PLEKHG4B: variants seen among roughly 807,000 people sequenced by gnomAD.
The protein encoded by PLEKHG4B is pleckstrin homology and RhoGEF domain containing G4B.
Under a neutral mutation model 121.3 loss-of-function variants are expected in PLEKHG4B, and 111 were observed. The observed-to-expected ratio is 0.92, with a 90% CI of 0.78 to 1.07. The LOEUF is 1.07. PLEKHG4B is among the 50% of genes least tolerant of loss of function. The pLI, the probability that PLEKHG4B is intolerant of heterozygous loss-of-function variation, is 0.00. For synonymous variants in PLEKHG4B, 738 were observed against 725.0 expected, an observed-to-expected ratio of 1.02 and a Z score of -0.29; for missense variants, 1,831 against 1,757.8, an observed-to-expected ratio of 1.04 and a Z score of -0.74.
chr5:114,510 TAC>T (rs1029020427), intron 2 of PLEKHG4B, among the ~76,000 whole-genome samples: 5 of 152,116 alleles, frequency 3.3e-5, no homozygotes, highest in African/African-American at 9.7e-5. Flanking sequence ...CAGGCTGGAG[TAC>T]AGTGGTGCAA....
intron 18 of PLEKHG4B, among the ~76,000 whole-genome samples, chr5:180,690 C>G (rs1398986699): frequency 2.0e-5 from 3 of 152,198 alleles, no homozygotes; most frequent in Non-Finnish European, 4.4e-5. Flanking sequence ...AGGAAGCTGT[C>G]CCGCGTCCAC....
At chr5:164,465 G>C (rs561148844) in intron 13 of PLEKHG4B, among the ~76,000 whole-genome samples, 5,004 of 109,958 alleles carry the variant, frequency 0.046, 141 homozygotes, top group Non-Finnish European at 0.057. Flanking sequence ...TCACAGTAAT[G>C]TTGTGACGGA....
At chr5:148,338 G>A (rs1409639628) in intron 6 of PLEKHG4B, among the ~76,000 whole-genome samples, 2 of 129,002 alleles carry the variant, frequency 1.6e-5, no homozygotes, top group African/African-American at 3.5e-5. Flanking sequence ...AACCCTAACA[G>A]TTCCACAAAA....
chr5:162,959 C>T lies in PLEKHG4B; in HGVS notation c.2887C>T (p.Pro963Ser), dbSNP rs1157781703. 1.9e-6 allele frequency: 3 copies of T among 1,561,110 alleles called. No individual in the cohort carries two copies. Among genetic ancestry groups the T allele is most frequent in the East Asian group, 2.4e-5 (1 of 42,258 alleles). The change falls in exon 13 of 20, where the codon CCA (proline) becomes TCA (serine). Residue 963 changes from proline to serine, a missense_variant. Pro to Ser is a moderately conservative substitution (Grantham distance 74). Coordinates refer to ENST00000637938, the MANE Select transcript of PLEKHG4B (RefSeq NM_052909.5). Reference protein sequence around the residue: ...RLEEALSEAAPDPSLPPLAQS... With the variant: ...RLEEALSEAASDPSLPPLAQS... ...GGAAGAGGCCCTTTCTGAGGCTGCC[C>T]CAGACCCCAGCTTACCGCCCCTTGC...
Position 139,939 on chromosome 5 carries a change from A to G in PLEKHG4B, c.700A>G (p.Thr234Ala). Residue 234 changes from threonine to alanine, a missense_variant, in exon 3 of 20, where the codon ACA (threonine) becomes GCA (alanine). Transcript: ENST00000637938. The surrounding 1 kb of genome is among the most constrained non-coding windows in gnomAD (Gnocchi z 5.0). ...AGAGGCCCCAGTCCCCACCCAAGCC[A>G]CAGCAGGCCCCCATTTCCAGGGAAG... is the stretch of plus-strand genomic sequence containing the variant. ...PSEAPVPTQA[T>A]AGPHFQGSAS... 2.5e-6 allele frequency: 1 copy of G among 407,150 alleles called. No homozygotes were observed. Among genetic ancestry groups the G allele is most frequent in the Non-Finnish European group, 4.3e-6 (1 of 231,140 alleles). 25.2% of individuals were successfully genotyped at this position (407,150 alleles called of 1,614,324 possible).
Position 156,060 on chromosome 5 carries a change from A to G in PLEKHG4B, c.2209-11A>G, listed in dbSNP as rs1202309001. The G allele has an allele frequency of 1.3e-6, 2 of 1,571,112 alleles. No homozygotes were observed. Among genetic ancestry groups the G allele is most frequent in the Admixed American group, 1.8e-5 (1 of 56,816 alleles). On this transcript the variant is annotated splice_polypyrimidine_tract_variant and intron_variant, in intron 9 of 19. Coordinates refer to ENST00000637938, the MANE Select transcript of PLEKHG4B (RefSeq NM_052909.5). The surrounding 1 kb of genome is among the most constrained non-coding windows in gnomAD (Gnocchi z 4.4). The stretch of plus-strand genomic sequence containing the variant: ...GGGAGTTAAAGGCTTATTCCTCCCC[A>G]TCCCGTGCAGGAAGTCGCCGAGTTA...
At chr5:181,972 G>T in intron 19 of PLEKHG4B, 32 bp from the exon 20 acceptor site, 1 of 1,598,406 alleles carries the variant, frequency 6.3e-7, no homozygotes, top group Non-Finnish European at 8.6e-7. Flanking sequence ...TGGAGCGGAA[G>T]CCAGCCTGAC....
At chr5:174,189 T>G in intron 18 of PLEKHG4B, 91 bp downstream of exon 18, 2 of 834,390 alleles carry the variant, frequency 2.4e-6, no homozygotes, top group South Asian at 5.1e-5. Context: ...AGCCAGGGGC[T>G]GAGTCCAGGG....
intron 6 of PLEKHG4B, among the ~76,000 whole-genome samples, chr5:148,829 A>G (rs1735512401): frequency 6.6e-6 from 1 of 152,258 alleles, no homozygotes. Context: ...AAAACTTAAC[A>G]AAGCAACAGT....
In PLEKHG4B at chr5:183,978, TAG is replaced by T. The variant is rs1491133979; in HGVS notation, c.*1657_*1658del. ...CTAGATATATATACAGACAGATAGA[TAG>T]ATAGATAGATCGATAGATAGATAGA... is the stretch of plus-strand genomic sequence containing the variant. On this transcript the variant is annotated 3_prime_UTR_variant, in exon 20 of 20. Transcript: ENST00000637938. The T allele has an allele frequency of 4.3e-5, 3 of 69,118 alleles. No homozygotes were observed. Among genetic ancestry groups the T allele is most frequent in the Non-Finnish European group, 6.4e-5 (2 of 31,474 alleles). 4.3% of individuals were successfully genotyped at this position (69,118 alleles called of 1,614,324 possible). A position where few individuals can be genotyped will look rare whatever the true frequency, so the allele number is the denominator to read the frequency against.
At chr5:97,377 C>T (rs1239612140) in intron 1 of PLEKHG4B, among the ~76,000 whole-genome samples, 1 of 152,148 alleles carries the variant, frequency 6.6e-6, no homozygotes, top group Admixed American at 6.5e-5. Context: ...AGTCAAAACC[C>T]CTTACCTGTC....
At chr5:162,579 C>T (rs115270762) in intron 12 of PLEKHG4B, 143 bp from the exon 13 acceptor site, 22,951 of 563,686 alleles carry the variant, frequency 0.041, 625 homozygotes, top group Non-Finnish European at 0.052. Context: ...CCACAGCCCC[C>T]ACTGGGTGGC....
intron 2 of PLEKHG4B, among the ~76,000 whole-genome samples, chr5:120,998 G>A (rs1467065021): frequency 6.6e-6 from 1 of 152,170 alleles, no homozygotes; most frequent in African/African-American, 2.4e-5. Context: ...TGTAATCCCA[G>A]CACTTTGGGA....
In PLEKHG4B at chr5:156,697, T is replaced by C; in HGVS notation, c.2349-76T>C. On this transcript the variant is annotated intron_variant, in intron 10 of 19. Transcript: ENST00000637938. The surrounding 1 kb of genome is among the most constrained non-coding windows in gnomAD (Gnocchi z 4.4). ...TGAGGGAATGGAAAGAGCAGGGTTT[T>C]TATATGGGGTTGTCACCAAGAGCAG... 1 of 1,480,382 alleles carries C rather than the reference T, an allele frequency of 6.8e-7. No individual in the cohort carries two copies. Among genetic ancestry groups the C allele is most frequent in the East Asian group, 2.5e-5 (1 of 40,232 alleles). 91.7% of individuals were successfully genotyped at this position (1,480,382 alleles called of 1,614,324 possible).
intron 2 of PLEKHG4B, among the ~76,000 whole-genome samples, chr5:117,769 C>T (rs1018083126): frequency 6.6e-6 from 1 of 152,214 alleles, no homozygotes; most frequent in African/African-American, 2.4e-5. Flanking sequence ...AGGAGAATCT[C>T]TTGAACCCAG....
chr5:99,167 AGT>A (rs1553979181), intron 1 of PLEKHG4B, among the ~76,000 whole-genome samples: 2 of 82,632 alleles, frequency 2.4e-5, no homozygotes, highest in African/African-American at 1.1e-4. Flanking sequence ...AAAAAAAAAA[AGT>A]GTATATATAT....
chr5:177,249 C>T (rs544903508), intron 18 of PLEKHG4B, among the ~76,000 whole-genome samples: 4 of 152,000 alleles, frequency 2.6e-5, no homozygotes, highest in East Asian at 3.9e-4. Flanking sequence ...GTTTTTGTGC[C>T]GTATTTAGGA....
At chr5:122,883 G>C (rs768008609) in intron 2 of PLEKHG4B, among the ~76,000 whole-genome samples, 3 of 152,100 alleles carry the variant, frequency 2.0e-5, no homozygotes, top group Non-Finnish European at 4.4e-5. Context: ...GCAACAAAAG[G>C]CTCAATTTAT....
chr5:156,070 G>GA lies in PLEKHG4B; in HGVS notation c.2209-1_2209insA (p.Glu737ArgfsTer7). On this transcript the variant is annotated frameshift_variant and splice_region_variant. Transcript: ENST00000637938. LOFTEE classifies it high-confidence loss of function. This position sits in a 1 kb window ranked among gnomAD's most constrained non-coding sequence, Gnocchi z 4.4. ...GGCTTATTCCTCCCCATCCCGTGCA[G>GA]GAAGTCGCCGAGTTAATTGACCAGC... 1 of 1,578,286 alleles carries GA rather than the reference G, an allele frequency of 6.3e-7. No homozygotes were observed. The highest frequency in any genetic ancestry group is 1.2e-5 in the South Asian group (1 of 85,674).
Sources: allele counts gnomAD v4.1 joint callset (sites outside exome capture counted in the v4.1 genomes callset), GRCh38; gene constraint gnomAD v4.1.1; non-coding constraint Gnocchi (gnomAD v3.1); transcripts MANE v1.5; gene names NCBI Gene and HGNC (gene_info 2026-07-23, HGNC 2026-07-21).